Variants in UGT1A6 observed in about 807,000 individuals in gnomAD.
The protein encoded by UGT1A6 is UDP glucuronosyltransferase family 1 member A6.
In UGT1A6, 32 loss-of-function variants were observed where a neutral mutation model predicts 44.4. The observed-to-expected ratio is 0.72, with a 90% CI of 0.54 to 0.97. The LOEUF (loss-of-function observed/expected upper bound fraction) is 0.97, where lower values mean the gene tolerates loss of function less well. Ranked by LOEUF, UGT1A6 falls within the 50% of genes least tolerant of loss-of-function variation. UGT1A6 has a pLI of 0.00. For synonymous variants in UGT1A6, 238 were observed against 248.5 expected, an observed-to-expected ratio of 0.96 and a Z score of 0.40; for missense variants, 685 against 661.9, an observed-to-expected ratio of 1.03 and a Z score of -0.38.
chr2:233,762,058 G>A (rs1697953737), intron 1 of UGT1A6, among the ~76,000 whole-genome samples: 2 of 151,982 alleles, frequency 1.3e-5, no homozygotes, highest in Non-Finnish European at 2.9e-5. Context: ...TTCCTTCATA[G>A]CACATCAAAT....
chr2:233,692,950 G>A lies in UGT1A6; in HGVS notation c.-55G>A, dbSNP rs1209522841. On this transcript the variant is annotated 5_prime_UTR_variant, in exon 1 of 5. It adds an upstream start codon to the 5' untranslated region. Coordinates refer to ENST00000305139, the MANE Select transcript of UGT1A6 (RefSeq NM_001072.4). ...TTTAGGGAAAATACCTAGGAGCCCT[G>A]TGATTTGGAGAGTGAAAACTCTTTA... is the stretch of plus-strand genomic sequence containing the variant. 7 of 1,602,458 alleles carry A rather than the reference G, an allele frequency of 4.4e-6. No homozygotes were observed. In the East Asian group the frequency reaches 1.1e-4, roughly 25 times the overall value.
chr2:233,703,455 C>T (rs971722755), intron 1 of UGT1A6, among the ~76,000 whole-genome samples: 4 of 151,966 alleles, frequency 2.6e-5, no homozygotes, highest in African/African-American at 4.8e-5. Flanking sequence ...TTAATTTCCC[C>T]TCTATTCTTT....
At chr2:233,728,309 T>C (rs1025928901) in intron 1 of UGT1A6, among the ~76,000 whole-genome samples, 4 of 152,178 alleles carry the variant, frequency 2.6e-5, no homozygotes, top group African/African-American at 9.6e-5. Flanking sequence ...CTGTGCAAGA[T>C]CTGAGGCCAG....
chr2:233,727,229 T>C (rs1169442036), intron 1 of UGT1A6, among the ~76,000 whole-genome samples: 2 of 152,184 alleles, frequency 1.3e-5, no homozygotes, highest in African/African-American at 2.4e-5. Flanking sequence ...CATATGCGGA[T>C]GGCTCCAAGT....
intron 1 of UGT1A6, among the ~76,000 whole-genome samples, chr2:233,725,558 CAT>C (rs771607724): frequency 6.6e-6 from 1 of 152,212 alleles, no homozygotes; most frequent in Middle Eastern, 3.4e-3. Context: ...ATCCTTTCAA[CAT>C]ATATTCGATA....
chr2:233,756,691 G>A (rs1044916114), intron 1 of UGT1A6, among the ~76,000 whole-genome samples: 1 of 152,108 alleles, frequency 6.6e-6, no homozygotes, highest in Non-Finnish European at 1.5e-5. Flanking sequence ...ATATAATGAC[G>A]ATGAATTTTG....
At chr2:233,744,781 G>A (rs1479146007) in intron 1 of UGT1A6, among the ~76,000 whole-genome samples, 1 of 151,856 alleles carries the variant, frequency 6.6e-6, no homozygotes, top group Non-Finnish European at 1.5e-5. Context: ...AAATTCTCCT[G>A]AAAAATTCTT....
intron 1 of UGT1A6, chr2:233,718,046 C>G (rs534581999): frequency 3.7e-4 from 137 of 366,642 alleles, no homozygotes; most frequent in African/African-American, 2.8e-3. Context: ...AGCAGGAGCT[C>G]CCTGAACCCA....
Position 233,747,808 on chromosome 2 carries a change from C to T in UGT1A6, c.862-19226C>T, listed in dbSNP as rs1432471540. On this transcript the variant is annotated intron_variant, in intron 1 of 4. Coordinates refer to ENST00000305139, the MANE Select transcript of UGT1A6 (RefSeq NM_001072.4). ...TCCTCCTATATTCCTAAGTTACTAA[C>T]GACCAATTCAGACCACATGACATTC... 6.0e-5 allele frequency: 96 copies of T among 1,613,386 alleles called. No individual in the cohort carries two copies. In the South Asian group the frequency reaches 8.3e-4, roughly 14 times the overall value.
chr2:233,725,322 G>T (rs1180235241), intron 1 of UGT1A6, among the ~76,000 whole-genome samples: 1 of 103,758 alleles, frequency 9.6e-6, no homozygotes, highest in Admixed American at 1.0e-4. Context: ...AGAGGCGCCT[G>T]GTCAACAATC....
chr2:233,719,799 G>C, intron 1 of UGT1A6: 11 of 1,603,246 alleles, frequency 6.9e-6, no homozygotes, highest in Non-Finnish European at 8.5e-6. Context: ...ATTTTATTTT[G>C]GCTTCTTTAT....
chr2:233,739,170 A>G (rs1447136581), intron 1 of UGT1A6: 1 of 152,280 alleles, frequency 6.6e-6, no homozygotes, highest in Non-Finnish European at 1.5e-5. Context: ...TAGAGGATGT[A>G]AGGAAATGCT....
chr2:233,697,860 A>G (rs1477304653), intron 1 of UGT1A6, among the ~76,000 whole-genome samples: 1 of 152,154 alleles, frequency 6.6e-6, no homozygotes, highest in Non-Finnish European at 1.5e-5. Context: ...AAAGTTATGC[A>G]TTTATTTAAT....
In UGT1A6 at chr2:233,772,466, C is replaced by T. The variant is rs1700524185; in HGVS notation, c.1506C>T (p.Ala502=). 6.2e-7 allele frequency: 1 copy of T among 1,614,030 alleles called. No individual in the cohort carries two copies. The highest frequency in any genetic ancestry group is 1.3e-5 in the African/African-American group (1 of 74,904). The change falls in exon 5 of 5, where the codon GCC becomes GCT. Residue 502 remains alanine, a synonymous_variant. Transcript: ENST00000305139. ...GFLLAVVLTV[A]FITFKCCAYG... Reference sequence around the variant, plus strand: ...TCTTGGCCGTCGTGCTGACAGTGGCCTTCATCACCTTTAAATGTTGTGCTT... The same window carrying T: ...TCTTGGCCGTCGTGCTGACAGTGGCTTTCATCACCTTTAAATGTTGTGCTT...
chr2:233,698,180 T>C (rs973918936), intron 1 of UGT1A6, among the ~76,000 whole-genome samples: 1 of 152,196 alleles, frequency 6.6e-6, no homozygotes, highest in Non-Finnish European at 1.5e-5. Context: ...TTCTGTATTA[T>C]GATATGTAAT....
chr2:233,742,787 T>A (rs955891060), intron 1 of UGT1A6: 16 of 153,018 alleles, frequency 1.0e-4, no homozygotes, highest in African/African-American at 3.9e-4. Flanking sequence ...TGAACCATCA[T>A]TAAATTAAGC....
intron 1 of UGT1A6, among the ~76,000 whole-genome samples, chr2:233,735,346 T>G (rs559111340): frequency 6.6e-6 from 1 of 152,330 alleles, no homozygotes; most frequent in African/African-American, 2.4e-5. Flanking sequence ...GCTTTTTTTT[T>G]GCTTTCCATT....
chr2:233,719,298 G>A (rs1399021133), intron 1 of UGT1A6: 3 of 1,613,874 alleles, frequency 1.9e-6, no homozygotes, highest in Non-Finnish European at 2.5e-6. Flanking sequence ...CTGTGGGGCG[G>A]TGCTGGCTAA....
chr2:233,713,035 G>T, intron 1 of UGT1A6: 1 of 1,613,988 alleles, frequency 6.2e-7, no homozygotes, highest in Non-Finnish European at 8.5e-7. Context: ...CTGGCCACAG[G>T]ACTGCTGCTT....
Sources: allele counts gnomAD v4.1 joint callset (sites outside exome capture counted in the v4.1 genomes callset), GRCh38; gene constraint gnomAD v4.1.1; transcripts MANE v1.5; gene names NCBI Gene and HGNC (gene_info 2026-07-23, HGNC 2026-07-21).